The following PCMT1 variants were observed in gnomAD, a reference collection of about 807,000 sequenced individuals.
The protein encoded by PCMT1 is protein-L-isoaspartate (D-aspartate) O-methyltransferase, also known as protein-L-isoaspartate(D-aspartate) O-methyltransferase.
In PCMT1, 9 loss-of-function variants were observed where a neutral mutation model predicts 29.2. The observed-to-expected ratio is 0.31, with a 90% CI of 0.19 to 0.54. PCMT1 has a LOEUF of 0.54. Ranked by LOEUF, PCMT1 falls within the 20% of genes least tolerant of loss-of-function variation. The probability of loss-of-function intolerance (pLI) is 0.95; values close to 1 mark genes in which losing one functional copy is unlikely to be tolerated. For synonymous variants in PCMT1, 98 were observed against 97.5 expected, an observed-to-expected ratio of 1.00 and a Z score of -0.03; for missense variants, 184 against 282.2, an observed-to-expected ratio of 0.65 and a Z score of 2.49.
intron 3 of PCMT1, among the ~76,000 whole-genome samples, chr6:149,789,012 G>A (rs994382517): frequency 2.0e-5 from 3 of 150,248 alleles, no homozygotes; most frequent in Non-Finnish European, 4.4e-5. Context: ...TAATGGATGG[G>A]TATTTTTATC....
At chr6:149,785,756 GA>G (rs1460042150) in intron 3 of PCMT1, among the ~76,000 whole-genome samples, 1 of 151,592 alleles carries the variant, frequency 6.6e-6, no homozygotes, top group African/African-American at 2.4e-5. Context: ...TCCCAAGGCA[GA>G]AGAATTTTTC....
chr6:149,779,557 C>G (rs1020297262), intron 3 of PCMT1, among the ~76,000 whole-genome samples: 2 of 152,122 alleles, frequency 1.3e-5, no homozygotes, highest in African/African-American at 4.8e-5. Flanking sequence ...TGCCTGTAAC[C>G]CTAGCACTTT....
chr6:149,793,936 G>A (rs1413420369), intron 5 of PCMT1, among the ~76,000 whole-genome samples: 1 of 152,152 alleles, frequency 6.6e-6, no homozygotes, highest in Non-Finnish European at 1.5e-5. Flanking sequence ...CTTTTGTGAA[G>A]TACCTGTTCA....
intron 1 of PCMT1, among the ~76,000 whole-genome samples, chr6:149,751,517 T>G (rs1157791677): frequency 6.8e-6 from 1 of 146,460 alleles, no homozygotes; most frequent in Non-Finnish European, 1.5e-5. Context: ...AGACTCCCTC[T>G]GTAGCCCAGA....
chr6:149,790,515 T>TC (rs1788316455), intron 4 of PCMT1, among the ~76,000 whole-genome samples: 2 of 114,026 alleles, frequency 1.8e-5, no homozygotes, highest in African/African-American at 8.7e-5. Context: ...GGTTTTCTTT[T>TC]CTTTTTTTTT....
chr6:149,772,344 A>G, intron 2 of PCMT1: 1 of 324,806 alleles, frequency 3.1e-6, no homozygotes, highest in Middle Eastern at 1.1e-3. Flanking sequence ...GATAAGATAA[A>G]GAATAAAATG....
chr6:149,801,567 C>T (rs946771909), intron 6 of PCMT1, among the ~76,000 whole-genome samples: 18 of 152,186 alleles, frequency 1.2e-4, no homozygotes, highest in Admixed American at 1.2e-3. Flanking sequence ...CTGCCTCAGC[C>T]TCCCAAGTAG....
At chr6:149,807,338 T>G (rs1282411141) in intron 7 of PCMT1, among the ~76,000 whole-genome samples, 1 of 152,012 alleles carries the variant, frequency 6.6e-6, no homozygotes, top group Non-Finnish European at 1.5e-5. Context: ...GTAAAAATAT[T>G]TTGTTAATCT....
chr6:149,799,964 C>T lies in PCMT1; in HGVS notation c.505-2236C>T, dbSNP rs114677728. Among the ~76,000 whole-genome samples the T allele has an allele frequency of 4.8e-3, 726 of 152,090 alleles. 5 individuals carry two copies. Among genetic ancestry groups the T allele is most frequent in the African/African-American group, 0.017 (686 of 41,466 alleles). On this transcript the variant is annotated intron_variant, in intron 6 of 7. Transcript: ENST00000464889. ...TTAAGGGAGTTCAATCCTTATCTAG[C>T]GTATGTTTTGAAATATAAAGGTAAA...
At chr6:149,754,908 G>T (rs183645324) in intron 1 of PCMT1, among the ~76,000 whole-genome samples, 110 of 152,228 alleles carry the variant, frequency 7.2e-4, no homozygotes, top group African/African-American at 2.6e-3. Context: ...AAGAATAATG[G>T]TGCTGGCATG....
intron 4 of PCMT1, among the ~76,000 whole-genome samples, chr6:149,792,188 G>A (rs1350567883): frequency 2.6e-5 from 4 of 152,100 alleles, no homozygotes; most frequent in African/African-American, 4.8e-5. Context: ...GGTGGCACAC[G>A]CCTGTAATCC....
intron 7 of PCMT1, among the ~76,000 whole-genome samples, chr6:149,805,259 A>T (rs56382018): frequency 6.6e-6 from 1 of 152,122 alleles, no homozygotes; most frequent in Non-Finnish European, 1.5e-5. Context: ...AATAATTTTT[A>T]AATTTATGGA....
intron 1 of PCMT1, among the ~76,000 whole-genome samples, chr6:149,755,706 T>C (rs893033219): frequency 1.3e-5 from 2 of 152,232 alleles, no homozygotes; most frequent in Admixed American, 6.5e-5. Flanking sequence ...TTTAGTCAGC[T>C]GATATTTTAG....
intron 1 of PCMT1, among the ~76,000 whole-genome samples, chr6:149,769,951 C>T (rs1787245142): frequency 6.6e-6 from 1 of 152,058 alleles, no homozygotes; most frequent in African/African-American, 2.4e-5. Context: ...TCTTGCTTTC[C>T]TTCCTGAGAA....
intron 3 of PCMT1, among the ~76,000 whole-genome samples, chr6:149,780,449 C>A (rs1787769173): frequency 6.6e-6 from 1 of 152,074 alleles, no homozygotes; most frequent in East Asian, 1.9e-4. Context: ...TCAGCACTCT[C>A]TAATATGAGG....
intron 1 of PCMT1, among the ~76,000 whole-genome samples, chr6:149,768,289 C>T (rs894414825): frequency 4.0e-5 from 6 of 149,926 alleles, no homozygotes; most frequent in African/African-American, 1.5e-4. Flanking sequence ...ACGGGGTCTC[C>T]CTATGTTGCC....
chr6:149,800,184 G>A (rs1454807485), intron 6 of PCMT1, among the ~76,000 whole-genome samples: 4 of 152,160 alleles, frequency 2.6e-5, no homozygotes, highest in Non-Finnish European at 4.4e-5. Context: ...TAAGGTTTCT[G>A]GCTGGGCATG....
intron 3 of PCMT1, among the ~76,000 whole-genome samples, chr6:149,783,261 T>C (rs2115284805): frequency 6.6e-6 from 1 of 152,066 alleles, no homozygotes; most frequent in South Asian, 2.1e-4. Context: ...GCCTCCCAAA[T>C]AGCTGGGATT....
chr6:149,810,778 T>A lies in PCMT1; in HGVS notation c.*200T>A. 1.7e-6 allele frequency: 1 copy of A among 581,644 alleles called. No homozygotes were observed. Among genetic ancestry groups the A allele is most frequent in the Non-Finnish European group, 2.9e-6 (1 of 344,512 alleles). 36.0% of individuals were successfully genotyped at this position (581,644 alleles called of 1,614,324 possible). ...AAAATGTGTGTTTTTTTAGGGTTTC[T>A]GATTCTTCAAAGAGGCACAGAGCCA... On this transcript the variant is annotated 3_prime_UTR_variant, in exon 8 of 8. Transcript: ENST00000464889.
Sources: gnomAD v4.1 joint callset for allele counts (sites outside exome capture counted in the v4.1 genomes callset) on GRCh38, gnomAD v4.1.1 for gene constraint, MANE v1.5 for transcripts, NCBI Gene and HGNC (gene_info 2026-07-23, HGNC 2026-07-21) for gene names.